The following KIF3B variants were observed in gnomAD, a reference collection of about 807,000 sequenced individuals.
KIF3B encodes the protein kinesin family member 3B.
A neutral mutation model predicts 74.3 loss-of-function variants in KIF3B; 38 were observed. The ratio of observed to expected loss-of-function variants is 0.51; its 90% CI spans 0.39 to 0.67. The LOEUF (loss-of-function observed/expected upper bound fraction) is 0.67, where lower values mean the gene tolerates loss of function less well. KIF3B is among the 30% of genes least tolerant of loss of function. The probability of loss-of-function intolerance (pLI) is 0.00; values close to 1 mark genes in which losing one functional copy is unlikely to be tolerated. For synonymous variants in KIF3B, 326 were observed against 342.5 expected (o/e 0.95, Z 0.53); for missense variants, 649 against 932.0 (o/e 0.70, Z 3.95).
At chr20:32,322,844 TTA>T (rs1343988370) in intron 5 of KIF3B, among the ~76,000 whole-genome samples, 2 of 78,692 alleles carry the variant, frequency 2.5e-5, no homozygotes, top group Non-Finnish European at 4.2e-5. Flanking sequence ...TTTTATATAT[TTA>T]TATATATTTA....
intron 1 of KIF3B, among the ~76,000 whole-genome samples, chr20:32,296,259 C>G (rs529346163): frequency 2.0e-5 from 3 of 152,022 alleles, no homozygotes; most frequent in Non-Finnish European, 4.4e-5. Context: ...TTTCACAAAG[C>G]CTTTCCATCT....
At chr20:32,305,750 AT>A (rs879739181) in intron 1 of KIF3B, among the ~76,000 whole-genome samples, 414 of 138,330 alleles carry the variant, frequency 3.0e-3, no homozygotes, top group Admixed American at 2.8e-3. Context: ...AAATTTTTGT[AT>A]TTTTTTTTTT....
intron 1 of KIF3B, among the ~76,000 whole-genome samples, chr20:32,302,902 T>C (rs2047751125): frequency 6.6e-6 from 1 of 152,240 alleles, no homozygotes; most frequent in South Asian, 2.1e-4. Flanking sequence ...TAATAGCATG[T>C]AGAAGAAGTT....
intron 1 of KIF3B, among the ~76,000 whole-genome samples, chr20:32,301,274 G>A (rs1410130275): frequency 6.6e-6 from 1 of 151,430 alleles, no homozygotes; most frequent in Non-Finnish European, 1.5e-5. Flanking sequence ...TTTTAGTAGA[G>A]ACGAGGTCTC....
intron 1 of KIF3B, among the ~76,000 whole-genome samples, chr20:32,307,747 ATC>A (rs1186006565): frequency 6.6e-6 from 1 of 151,884 alleles, no homozygotes; most frequent in Admixed American, 6.6e-5. Flanking sequence ...GTGAAACCCT[ATC>A]TCTCCTAAAA....
At chr20:32,319,796 G>A (rs1463312338) in intron 5 of KIF3B, among the ~76,000 whole-genome samples, 2 of 151,322 alleles carry the variant, frequency 1.3e-5, no homozygotes, top group African/African-American at 4.9e-5. Flanking sequence ...ATGTTGCCCA[G>A]GCTGGTCTTG....
chr20:32,310,998 G>C lies in KIF3B; in HGVS notation c.1221G>C (p.Gly407=), dbSNP rs764860406. 6 of 1,613,342 alleles carry C rather than the reference G, an allele frequency of 3.7e-6. No homozygotes were observed. Among genetic ancestry groups the C allele is most frequent in the Non-Finnish European group, 4.2e-6 (5 of 1,179,810 alleles). ...EEEGEEGEEE[G]DDKDDYWREQ... ...AGGGAGAAGAGGGTGAGGAGGAAGG[G>C]GATGATAAGGATGATTACTGGCGGG... The change falls in exon 2 of 9, where the codon GGG becomes GGC. Residue 407 remains glycine (G), a synonymous_variant. Transcript: ENST00000375712. The surrounding 1 kb of genome is among the most constrained non-coding windows in gnomAD (Gnocchi z 6.5).
At chr20:32,297,822 G>T (rs2047723381) in intron 1 of KIF3B, among the ~76,000 whole-genome samples, 1 of 151,624 alleles carries the variant, frequency 6.6e-6, no homozygotes, top group South Asian at 2.1e-4. Context: ...ATATGAAATT[G>T]TTAGGCCGGG....
At position 32,331,308 on chromosome 20, in the gene KIF3B, G is replaced by C; in HGVS notation, c.2233G>C (p.Val745Leu). Residue 745 changes from valine to leucine, a missense_variant, in exon 9 of 9, where the codon GTT becomes CTT. Val to Leu is a conservative substitution (Grantham distance 32). Coordinates refer to ENST00000375712, the MANE Select transcript of KIF3B (RefSeq NM_004798.4). ...SQLYPQSRGL[V>L]PK ...GCTTTATCCACAGTCTCGGGGGCTG[G>C]TTCCAAAGTAAAGCCAGCTTCTCCT... 1 of 1,608,836 alleles carries C rather than the reference G, an allele frequency of 6.2e-7. No individual in the cohort carries two copies. Among genetic ancestry groups the C allele is most frequent in the Admixed American group, 1.7e-5 (1 of 57,786 alleles).
intron 1 of KIF3B, among the ~76,000 whole-genome samples, chr20:32,298,458 A>G (rs2047726689): frequency 6.6e-6 from 1 of 152,208 alleles, no homozygotes; most frequent in Non-Finnish European, 1.5e-5. Flanking sequence ...AAATTCAGAG[A>G]ATAATATAAG....
At chr20:32,304,746 A>G (rs1414317894) in intron 1 of KIF3B, among the ~76,000 whole-genome samples, 2 of 152,104 alleles carry the variant, frequency 1.3e-5, no homozygotes, top group African/African-American at 2.4e-5. Context: ...TTAAAATCTA[A>G]TAACACTTGT....
Position 32,333,063 on chromosome 20 carries a change from G to A in KIF3B, c.*1744G>A, listed in dbSNP as rs2047937608. The A allele has an allele frequency of 6.6e-6, 1 of 152,636 alleles. No individual in the cohort carries two copies. Among genetic ancestry groups the A allele is most frequent in the African/African-American group, 2.4e-5 (1 of 41,442 alleles). The allele number at this position is 152,636 out of a possible 1,614,324, so 9.5% of individuals were successfully genotyped here. A position where few individuals can be genotyped will look rare whatever the true frequency, so the allele number is the denominator to read the frequency against. ...GCAATGTCTTAGCATTCTGCAAAATGGAGATCTGTTGTCCAGCGGCTTATC... is the reference window on the plus strand; with the variant it reads ...GCAATGTCTTAGCATTCTGCAAAATAGAGATCTGTTGTCCAGCGGCTTATC... On this transcript the variant is annotated 3_prime_UTR_variant, in exon 9 of 9. Transcript: ENST00000375712.
chr20:32,304,573 C>T (rs566496265), intron 1 of KIF3B, among the ~76,000 whole-genome samples: 3 of 152,204 alleles, frequency 2.0e-5, no homozygotes, highest in African/African-American at 7.2e-5. Flanking sequence ...ATGGTGCATG[C>T]ATGCAGTAGA....
intron 1 of KIF3B, among the ~76,000 whole-genome samples, chr20:32,302,820 C>T (rs886702287): frequency 2.0e-5 from 3 of 152,122 alleles, no homozygotes; most frequent in Non-Finnish European, 4.4e-5. Flanking sequence ...ATGAGCCATT[C>T]CCCTGAAATG....
rs1474133093 is a variant in KIF3B at position 32,333,626 on chromosome 20, C to A, written c.*2307C>A. ...CCAGCCTGGGTGACAGAGTGAGACT[C>A]CCCCTCAAAAAAAAAAAAAAAAAAA... On this transcript the variant is annotated 3_prime_UTR_variant, in exon 9 of 9. Transcript: ENST00000375712. The A allele has an allele frequency of 1.1e-5, 1 of 95,202 alleles. No individual in the cohort carries two copies. Among genetic ancestry groups the A allele is most frequent in the Non-Finnish European group, 1.9e-5 (1 of 52,642 alleles). The allele number at this position is 95,202 out of a possible 1,614,324, so 5.9% of individuals were successfully genotyped here.
At chr20:32,322,806 A>ATATATTTATGTG (rs1555896728) in intron 5 of KIF3B, among the ~76,000 whole-genome samples, 2 of 53,644 alleles carry the variant, frequency 3.7e-5, no homozygotes, top group African/African-American at 2.1e-4. Context: ...ATATATTTAT[A>ATATATTTATGTG]TATATTTATA....
At chr20:32,291,547 T>G (rs2047691301) in intron 1 of KIF3B, among the ~76,000 whole-genome samples, 1 of 152,160 alleles carries the variant, frequency 6.6e-6, no homozygotes, top group South Asian at 2.1e-4. Flanking sequence ...AATAACATTT[T>G]TTTACACGTA....
rs1467278677 is a variant in KIF3B, at chr20:32,333,801, C to T, written c.*2482C>T. On this transcript the variant is annotated 3_prime_UTR_variant, in exon 9 of 9. Coordinates refer to ENST00000375712, the MANE Select transcript of KIF3B (RefSeq NM_004798.4). ...GACAAGTTGACAGGCATGCCTTGTA[C>T]TCAGCTGTGTTCATGTGGTGGTCTG... 1 of 152,320 alleles carries T rather than the reference C, an allele frequency of 6.6e-6. No individual in the cohort carries two copies. The highest frequency in any genetic ancestry group is 2.4e-5 in the African/African-American group (1 of 41,376). The allele number at this position is 152,320 out of a possible 1,614,324, so 9.4% of individuals were successfully genotyped here.
chr20:32,309,430 G>A (rs1212289631), intron 1 of KIF3B, among the ~76,000 whole-genome samples: 1 of 152,098 alleles, frequency 6.6e-6, no homozygotes, highest in Non-Finnish European at 1.5e-5. Context: ...GCCTCCCAGA[G>A]TGAGACCCAG....
Sources: gnomAD v4.1 joint callset for allele counts (sites outside exome capture counted in the v4.1 genomes callset) on GRCh38, gnomAD v4.1.1 for gene constraint, Gnocchi (gnomAD v3.1) non-coding constraint, MANE v1.5 for transcripts, NCBI Gene and HGNC (gene_info 2026-07-23, HGNC 2026-07-21) for gene names.